PTPRN2: variants seen among roughly 807,000 people sequenced by gnomAD.
The protein encoded by PTPRN2 is protein tyrosine phosphatase receptor type N2, also known as receptor-type tyrosine-protein phosphatase N2.
In PTPRN2, 74 loss-of-function variants were observed where a neutral mutation model predicts 118.8. The ratio of observed to expected loss-of-function variants is 0.62; its 90% CI spans 0.52 to 0.76. The LOEUF (loss-of-function observed/expected upper bound fraction) is 0.76. PTPRN2 is among the 30% of genes least tolerant of loss of function. The probability of loss-of-function intolerance (pLI) is 0.00; values close to 1 mark genes in which losing one functional copy is unlikely to be tolerated. For synonymous variants in PTPRN2, 641 were observed against 608.0 expected, an observed-to-expected ratio of 1.05 and a Z score of -0.80; for missense variants, 1,481 against 1,394.4, an observed-to-expected ratio of 1.06 and a Z score of -0.99.
chr7:158,085,450 C>T (rs1407766209), intron 10 of PTPRN2, among the ~76,000 whole-genome samples: 21 of 47,524 alleles, frequency 4.4e-4, no homozygotes, highest in African/African-American at 1.1e-3. Context: ...CCCATCCACA[C>T]GGATGCCCAT....
chr7:157,708,671 C>G (rs902445965), intron 12 of PTPRN2, among the ~76,000 whole-genome samples: 2 of 152,162 alleles, frequency 1.3e-5, no homozygotes, highest in Admixed American at 6.5e-5. Context: ...ACAAGCGGCT[C>G]CCTGCTTTAT....
At chr7:158,083,808 C>A (rs1395493517) in intron 10 of PTPRN2, among the ~76,000 whole-genome samples, 1 of 152,200 alleles carries the variant, frequency 6.6e-6, no homozygotes. Context: ...GTGCACTGAG[C>A]CCTGGCTCTG....
At chr7:157,792,241 A>G (rs1804553872) in intron 12 of PTPRN2, among the ~76,000 whole-genome samples, 1 of 152,198 alleles carries the variant, frequency 6.6e-6, no homozygotes, top group African/African-American at 2.4e-5. Flanking sequence ...GCCCGCACTG[A>G]GCCAGCAAGC....
intron 12 of PTPRN2, among the ~76,000 whole-genome samples, chr7:157,735,794 G>A (rs1426867276): frequency 1.3e-5 from 2 of 152,014 alleles, no homozygotes; most frequent in Admixed American, 6.5e-5. Flanking sequence ...TTTGGTCCCC[G>A]TCCTCCTGGC....
At chr7:158,367,930 A>G (rs568956034) in intron 2 of PTPRN2, among the ~76,000 whole-genome samples, 35 of 152,264 alleles carry the variant, frequency 2.3e-4, no homozygotes, top group South Asian at 6.2e-4. Flanking sequence ...TGCTCCCACC[A>G]TAACTTAGGG....
intron 20 of PTPRN2, among the ~76,000 whole-genome samples, chr7:157,570,157 T>A (rs1413700031): frequency 6.6e-6 from 1 of 152,284 alleles, no homozygotes; most frequent in Non-Finnish European, 1.5e-5. Flanking sequence ...GCGGTCGGCC[T>A]GGGCCGCCAC....
intron 12 of PTPRN2, among the ~76,000 whole-genome samples, chr7:157,838,068 CATA>C (rs1808100860): frequency 8.6e-5 from 13 of 151,046 alleles, no homozygotes; most frequent in African/African-American, 2.9e-4. Context: ...CAGTTCCTCT[CATA>C]GTGGATGGTA....
chr7:158,324,083 A>G (rs1186038002), intron 2 of PTPRN2, among the ~76,000 whole-genome samples: 3 of 152,150 alleles, frequency 2.0e-5, no homozygotes, highest in African/African-American at 4.8e-5. Context: ...ACACACCCAG[A>G]CACACTAACT....
chr7:158,532,807 C>A (rs374577536), intron 1 of PTPRN2: 45 of 534,730 alleles, frequency 8.4e-5, no homozygotes, highest in African/African-American at 6.9e-4. Context: ...TGCGTGCAGG[C>A]TTCCGTGCAG....
intron 12 of PTPRN2, among the ~76,000 whole-genome samples, chr7:157,789,516 G>A (rs1052739868): frequency 2.8e-4 from 42 of 152,320 alleles, no homozygotes; most frequent in African/African-American, 9.1e-4. Context: ...GAAAAGGGGC[G>A]GCCTGGGCTT....
intron 15 of PTPRN2, among the ~76,000 whole-genome samples, chr7:157,621,059 C>A (rs74898724): frequency 1.3e-4 from 15 of 119,288 alleles, no homozygotes; most frequent in South Asian, 5.5e-4. Context: ...CCAGTTTCCC[C>A]CTCCTGTCAC....
At chr7:158,049,969 C>A (rs888737458) in intron 11 of PTPRN2, among the ~76,000 whole-genome samples, 6 of 152,106 alleles carry the variant, frequency 3.9e-5, no homozygotes, top group Non-Finnish European at 5.9e-5. Context: ...GTAGCTATTA[C>A]CTTTGGTTCC....
At position 158,191,291 on chromosome 7, in the gene PTPRN2, G is replaced by A. The variant is rs556508466; in HGVS notation, c.549+1036C>T. Reference sequence around the variant, plus strand: ...GTGAGACCCCAGTGGAGTCCAAGAGGATGCAGAGGGTCCTCAGGCTTTCCT... The same window carrying A: ...GTGAGACCCCAGTGGAGTCCAAGAGAATGCAGAGGGTCCTCAGGCTTTCCT... On this transcript the variant is annotated intron_variant, in intron 5 of 22. Coordinates refer to ENST00000389418, the MANE Select transcript of PTPRN2 (RefSeq NM_002847.5). Among the ~76,000 whole-genome samples, 257 of 152,320 alleles carry A rather than the reference G, an allele frequency of 1.7e-3. 2 individuals are homozygous for A. The highest frequency in any genetic ancestry group is 6.0e-3 in the African/African-American group (248 of 41,572).
Position 157,579,804 on chromosome 7 carries a change from GA to G in PTPRN2, c.2497-1665del, listed in dbSNP as rs572829393. On this transcript the variant is annotated intron_variant, in intron 17 of 22. Coordinates refer to ENST00000389418, the MANE Select transcript of PTPRN2 (RefSeq NM_002847.5). ...TTAGGTCACTGTGTATAAAAGCAGAGAGGGGAATTTACTAAATCAAACAAAT... is the reference window on the plus strand; with the variant it reads ...TTAGGTCACTGTGTATAAAAGCAGAGGGGGAATTTACTAAATCAAACAAAT... Among the ~76,000 whole-genome samples, 21 of 152,370 alleles carry G rather than the reference GA, an allele frequency of 1.4e-4. 1 individual carries two copies. The highest frequency in any genetic ancestry group is 1.3e-3 in the Admixed American group (20 of 15,310).
chr7:157,588,758 T>C (rs888233865), intron 17 of PTPRN2, among the ~76,000 whole-genome samples: 1 of 152,174 alleles, frequency 6.6e-6, no homozygotes, highest in African/African-American at 2.4e-5. Context: ...TAGAGACGTC[T>C]TCATGTCACT....
intron 9 of PTPRN2, among the ~76,000 whole-genome samples, chr7:158,118,261 A>G (rs1331717253): frequency 1.3e-5 from 2 of 152,206 alleles, no homozygotes; most frequent in African/African-American, 2.4e-5. Flanking sequence ...ATAGCCAAAA[A>G]GGGTGGGTAA....
intron 12 of PTPRN2, among the ~76,000 whole-genome samples, chr7:157,771,500 A>G (rs1191619463): frequency 2.0e-5 from 3 of 152,134 alleles, no homozygotes; most frequent in African/African-American, 7.2e-5. Flanking sequence ...GCCACCCACC[A>G]TGTCACGGGT....
At chr7:157,574,426 T>A (rs751353492) in intron 19 of PTPRN2, 1 of 532,418 alleles carries the variant, frequency 1.9e-6, no homozygotes, top group Non-Finnish European at 3.9e-6. Flanking sequence ...CACCGCTAAT[T>A]AGCTGGCAAG....
chr7:157,906,019 A>C (rs1797751398), intron 11 of PTPRN2, among the ~76,000 whole-genome samples: 1 of 152,208 alleles, frequency 6.6e-6, no homozygotes, highest in South Asian at 2.1e-4. Context: ...GCCCCCGTGC[A>C]GGGGGTCAGC....
Sources: gnomAD v4.1 joint callset for allele counts (sites outside exome capture counted in the v4.1 genomes callset) on GRCh38, gnomAD v4.1.1 for gene constraint, MANE v1.5 for transcripts, NCBI Gene and HGNC (gene_info 2026-07-23, HGNC 2026-07-21) for gene names.